Variants in ZNG1E observed in about 807,000 individuals in gnomAD.
The protein encoded by ZNG1E is zinc-regulated GTPase metalloprotein activator 1E.
chr9:65,664,498 G>A, the ZNG1E span, among the ~76,000 whole-genome samples: 1 of 88,500 alleles, frequency 1.1e-5, no homozygotes, highest in Non-Finnish European at 2.3e-5. Context: ...CGCCATGATT[G>A]TGAGGCCTCC....
At chr9:65,688,181 TA>T in the ZNG1E span, among the ~76,000 whole-genome samples, 4 of 148,390 alleles carry the variant, frequency 2.7e-5, no homozygotes, top group Non-Finnish European at 4.5e-5. Context: ...GTTAAGTCAT[TA>T]ATTATTAATT....
the ZNG1E span, chr9:65,733,735 T>C: frequency 1.5e-6 from 1 of 675,958 alleles, no homozygotes; most frequent in East Asian, 2.7e-5. Flanking sequence ...AAATGGTATT[T>C]GTTTTACAGC....
the ZNG1E span, among the ~76,000 whole-genome samples, chr9:65,691,653 G>T: frequency 6.6e-6 from 1 of 152,238 alleles, no homozygotes; most frequent in Non-Finnish European, 1.5e-5. Context: ...TGTAATGTTA[G>T]AGCCTTTTAT....
chr9:65,691,764 T>C, the ZNG1E span, among the ~76,000 whole-genome samples: 4 of 151,884 alleles, frequency 2.6e-5, no homozygotes, highest in South Asian at 6.2e-4. Flanking sequence ...CTGAACACTT[T>C]TGGGCAATGA....
At chr9:65,678,734 A>G in the ZNG1E span, among the ~76,000 whole-genome samples, 2 of 87,354 alleles carry the variant, frequency 2.3e-5, no homozygotes, top group Non-Finnish European at 4.7e-5. Context: ...AATTTATCTT[A>G]ACTGAACATT....
the ZNG1E span, chr9:65,704,081 C>T: frequency 1.7e-4 from 21 of 125,938 alleles, no homozygotes; most frequent in Admixed American, 1.2e-3. Context: ...AATTTTTCTC[C>T]GCTTTACAAA....
chr9:65,719,820 A>G, the ZNG1E span: 1 of 594,530 alleles, frequency 1.7e-6, no homozygotes, highest in Non-Finnish European at 2.9e-6. Context: ...TATTCTGTGC[A>G]TATGTATATA....
the ZNG1E span, among the ~76,000 whole-genome samples, chr9:65,694,481 C>T: frequency 0.068 from 8,884 of 129,728 alleles, 19 homozygotes; most frequent in South Asian, 0.12. Flanking sequence ...ACACAGTAAA[C>T]GTTTAACCTT....
the ZNG1E span, among the ~76,000 whole-genome samples, chr9:65,684,533 T>C: frequency 2.2e-4 from 20 of 90,196 alleles, no homozygotes; most frequent in East Asian, 5.3e-3. Flanking sequence ...CAAGACTGTA[T>C]ACACACACAC....
the ZNG1E span, among the ~76,000 whole-genome samples, chr9:65,714,763 C>T: frequency 6.6e-6 from 1 of 151,538 alleles, no homozygotes; most frequent in Non-Finnish European, 1.5e-5. Flanking sequence ...GTTCTCAGAT[C>T]TCCAGCTGTG....
chr9:65,675,533 T>A, the ZNG1E span, among the ~76,000 whole-genome samples: 2 of 149,910 alleles, frequency 1.3e-5, no homozygotes, highest in East Asian at 1.9e-4. Context: ...CTTTTTTTTT[T>A]AACGAGACTA....
chr9:65,703,855 G>A, the ZNG1E span: 1 of 965,410 alleles, frequency 1.0e-6, no homozygotes, highest in Non-Finnish European at 1.2e-6. Context: ...AACAGCTGGG[G>A]AATTAATTTG....
chr9:65,658,866 C>T, the ZNG1E span, among the ~76,000 whole-genome samples: 3 of 150,626 alleles, frequency 2.0e-5, no homozygotes, highest in Non-Finnish European at 2.9e-5. Context: ...TCTGTGTCCT[C>T]GTCTCCTCTT....
chr9:65,705,236 C>G, the ZNG1E span, among the ~76,000 whole-genome samples: 920 of 147,142 alleles, frequency 6.3e-3, 1 homozygote, highest in African/African-American at 0.022. Context: ...TTAATCTTCT[C>G]TAGACTTTTT....
chr9:65,728,562 C>T, the ZNG1E span, among the ~76,000 whole-genome samples: 1 of 148,368 alleles, frequency 6.7e-6, no homozygotes, highest in Non-Finnish European at 1.5e-5. Flanking sequence ...CACAGAAATA[C>T]AAAAGATATT....
the ZNG1E span, among the ~76,000 whole-genome samples, chr9:65,669,615 A>G: frequency 2.0e-5 from 3 of 147,112 alleles, no homozygotes; most frequent in Non-Finnish European, 4.5e-5. Context: ...AGGGCTTTGA[A>G]TGGTGTTTTC....
the ZNG1E span, among the ~76,000 whole-genome samples, chr9:65,665,147 T>C: frequency 6.6e-6 from 1 of 152,280 alleles, no homozygotes; most frequent in African/African-American, 2.4e-5. Flanking sequence ...TTTGCATAAG[T>C]AACAAGGAGC....
At chr9:65,691,629 A>T in the ZNG1E span, among the ~76,000 whole-genome samples, 1 of 152,252 alleles carries the variant, frequency 6.6e-6, no homozygotes, top group African/African-American at 2.4e-5. Flanking sequence ...CTGTTGTTTG[A>T]TTTATGTCCT....
the ZNG1E span, among the ~76,000 whole-genome samples, chr9:65,660,430 T>C: frequency 1.4e-4 from 22 of 151,862 alleles, no homozygotes; most frequent in Admixed American, 3.9e-4. Context: ...GAGGATACTA[T>C]AAAGCTCATC....
Sources: gnomAD v4.1 joint callset for allele counts (sites outside exome capture counted in the v4.1 genomes callset) on GRCh38, gnomAD v4.1.1 for gene constraint, MANE v1.5 for transcripts, NCBI Gene and HGNC (gene_info 2026-07-23, HGNC 2026-07-21) for gene names.